The following NPR3 variants were observed in gnomAD, a reference collection of about 807,000 sequenced individuals.
NPR3 encodes the protein natriuretic peptide receptor 3, also known as atrial natriuretic peptide receptor 3.
NPR3 carries 34 observed loss-of-function variants against 54.5 expected under a neutral mutation model. The ratio of observed to expected loss-of-function variants is 0.62; its 90% confidence interval spans 0.47 to 0.83. NPR3 has a LOEUF of 0.83. Ranked by LOEUF, NPR3 falls within the 40% of genes least tolerant of loss-of-function variation. NPR3 has a pLI of 0.00. For synonymous variants in NPR3, 289 were observed against 297.1 expected (o/e 0.97, Z 0.28); for missense variants, 674 against 720.8 (o/e 0.94, Z 0.74).
intron 3 of NPR3, among the ~76,000 whole-genome samples, chr5:32,771,162 G>A (rs1421720794): frequency 1.3e-5 from 2 of 151,302 alleles, no homozygotes; most frequent in Non-Finnish European, 3.0e-5. Context: ...ATGTGAGAAT[G>A]TTCTTCTCAA....
intron 1 of NPR3, among the ~76,000 whole-genome samples, chr5:32,693,454 A>G (rs529941830): frequency 1.5e-4 from 23 of 152,284 alleles, no homozygotes; most frequent in African/African-American, 5.3e-4. Context: ...TCCCTTACGG[A>G]GTTTACATTT....
At chr5:32,728,853 A>G (rs1422613710) in intron 2 of NPR3, among the ~76,000 whole-genome samples, 1 of 122,016 alleles carries the variant, frequency 8.2e-6, no homozygotes, top group East Asian at 2.3e-4. Context: ...ATATATATAT[A>G]TATATATATA....
chr5:32,786,913 C>T lies in NPR3; in HGVS notation c.*568C>T, dbSNP rs1002242327. On this transcript the variant is annotated 3_prime_UTR_variant, in exon 8 of 8. Transcript: ENST00000265074. ...GACTTCATATCTTGAAAAAGGATTT[C>T]CTCCCTGTCTTTTTCAGTGTCTCAT... The T allele has an allele frequency of 9.2e-5, 14 of 152,870 alleles. No individual in the cohort carries two copies. Among genetic ancestry groups the T allele is most frequent in the African/African-American group, 3.4e-4 (14 of 41,404 alleles). The allele number at this position is 152,870 out of a possible 1,614,324, so 9.5% of individuals were successfully genotyped here.
At chr5:32,744,149 C>T (rs937573023) in intron 3 of NPR3, among the ~76,000 whole-genome samples, 18 of 152,150 alleles carry the variant, frequency 1.2e-4, no homozygotes, top group African/African-American at 4.3e-4. Flanking sequence ...CGTGCCGCCA[C>T]GCCTGGCTAA....
upstream of NPR3, among the ~76,000 whole-genome samples, chr5:32,706,320 C>T (rs1418688565): frequency 1.3e-5 from 2 of 152,158 alleles, no homozygotes; most frequent in Non-Finnish European, 2.9e-5. Context: ...TATAAATTAA[C>T]CAGTCTCAGT....
chr5:32,726,997 T>G (rs984887191), intron 2 of NPR3, among the ~76,000 whole-genome samples: 15 of 152,252 alleles, frequency 9.9e-5, no homozygotes, highest in African/African-American at 3.6e-4. Context: ...TTTTTGCTAT[T>G]AAGAACAATG....
At chr5:32,727,730 G>T (rs1222540651) in intron 2 of NPR3, among the ~76,000 whole-genome samples, 1 of 151,998 alleles carries the variant, frequency 6.6e-6, no homozygotes, top group Non-Finnish European at 1.5e-5. Flanking sequence ...TATTTATTTT[G>T]CAAGAATTCT....
rs1739058686 is a variant in NPR3, at chr5:32,724,891, G to A, written c.892+71G>A. The A allele has an allele frequency of 3.2e-6, 5 of 1,552,592 alleles. No homozygotes were observed. The African/African-American group carries it at 6.8e-5, about 21-fold the overall frequency. ...AGGTTGTCAGATGCCCATGAATGGT[G>A]GGTTGGATAAATAATATGTGGTACA... On this transcript the variant is annotated intron_variant, in intron 2 of 7. Transcript: ENST00000265074.
intron 3 of NPR3, among the ~76,000 whole-genome samples, chr5:32,772,892 C>T (rs190352452): frequency 1.1e-4 from 16 of 152,138 alleles, no homozygotes; most frequent in South Asian, 1.0e-3. Context: ...AAAGGGGGGG[C>T]GAGGATTTTT....
At position 32,750,891 on chromosome 5, in the gene NPR3, A is replaced by G. The variant is rs1740541839; in HGVS notation, c.1059+11861A>G. Among the ~76,000 whole-genome samples, 3 of 152,200 alleles carry G rather than the reference A, an allele frequency of 2.0e-5. No homozygotes were observed. The South Asian group carries it at 6.2e-4, about 31-fold the overall frequency. ...AAACACACGAATAATAATGCATACC[A>G]ATTGCTTTGCCAGGTAACAACAAAA... On this transcript the variant is annotated intron_variant, in intron 3 of 7. Transcript: ENST00000265074.
At chr5:32,733,831 C>T (rs1739589106) in intron 2 of NPR3, among the ~76,000 whole-genome samples, 1 of 152,138 alleles carries the variant, frequency 6.6e-6, no homozygotes, top group South Asian at 2.1e-4. Context: ...TTTTGTCAAT[C>T]ACCGCATATG....
intron 3 of NPR3, among the ~76,000 whole-genome samples, chr5:32,759,189 A>T (rs996458519): frequency 2.0e-5 from 3 of 152,108 alleles, no homozygotes; most frequent in Non-Finnish European, 4.4e-5. Flanking sequence ...GATCTGTCTA[A>T]TGTTGACAGT....
chr5:32,759,515 G>T lies in NPR3; in HGVS notation c.1060-15193G>T, dbSNP rs370157854. The stretch of plus-strand genomic sequence containing the variant: ...ATGTGTGTCTCTGCACATGAGATGG[G>T]TCTCCTGAATACAGCACACTGATGG... On this transcript the variant is annotated intron_variant, in intron 3 of 7. Coordinates refer to ENST00000265074, the MANE Select transcript of NPR3 (RefSeq NM_001204375.2). Among the ~76,000 whole-genome samples, 20 of 152,194 alleles carry T rather than the reference G, an allele frequency of 1.3e-4. No individual in the cohort carries two copies. The East Asian group carries it at 3.5e-3, about 26-fold the overall frequency.
At chr5:32,778,169 A>G (rs1176645150) in intron 4 of NPR3, among the ~76,000 whole-genome samples, 2 of 152,200 alleles carry the variant, frequency 1.3e-5, no homozygotes, top group Admixed American at 6.5e-5. Context: ...TTCTAGGGCC[A>G]GGTCTACACA....
At chr5:32,709,500 A>G (rs753528312), upstream of NPR3, 7 of 151,728 alleles carry the variant, frequency 4.6e-5, no homozygotes, top group Non-Finnish European at 1.5e-5. Context: ...CTAAATCTCA[A>G]TTTCCAGTGT....
At chr5:32,694,749 T>C (rs1465654303) in intron 1 of NPR3, among the ~76,000 whole-genome samples, 1 of 152,234 alleles carries the variant, frequency 6.6e-6, no homozygotes, top group Non-Finnish European at 1.5e-5. Context: ...CAACAAATTA[T>C]TGTTGACTGT....
At chr5:32,731,084 C>T (rs913423835) in intron 2 of NPR3, among the ~76,000 whole-genome samples, 2 of 152,122 alleles carry the variant, frequency 1.3e-5, no homozygotes, top group Non-Finnish European at 2.9e-5. Flanking sequence ...ATACTGCAGG[C>T]GTGATGTTGT....
chr5:32,741,502 A>G (rs1265356518), intron 3 of NPR3, among the ~76,000 whole-genome samples: 1 of 152,190 alleles, frequency 6.6e-6, no homozygotes, highest in Non-Finnish European at 1.5e-5. Context: ...TCTTATTTTA[A>G]TGGTAGTCTA....
chr5:32,723,025 G>T (rs190454583), intron 1 of NPR3, among the ~76,000 whole-genome samples: 1 of 152,180 alleles, frequency 6.6e-6, no homozygotes, highest in African/African-American at 2.4e-5. Flanking sequence ...CTGAATTAAC[G>T]TGCGCAGTAA....
Sources: allele counts gnomAD v4.1 joint callset (sites outside exome capture counted in the v4.1 genomes callset), GRCh38; gene constraint gnomAD v4.1.1; transcripts MANE v1.5; gene names NCBI Gene and HGNC (gene_info 2026-07-23, HGNC 2026-07-21).